Variants in CSNK1G1 observed in about 807,000 individuals in gnomAD.
CSNK1G1 encodes the protein casein kinase 1 gamma 1, also known as casein kinase I isoform gamma-1.
CSNK1G1 carries 22 observed loss-of-function variants against 59.6 expected under a neutral mutation model. That is an observed-to-expected ratio of 0.37 (90% CI 0.26 to 0.53). The LOEUF (loss-of-function observed/expected upper bound fraction) is 0.53. CSNK1G1 is among the 20% of genes least tolerant of loss of function. The probability of loss-of-function intolerance (pLI) is 0.89; values close to 1 mark genes in which losing one functional copy is unlikely to be tolerated. For synonymous variants in CSNK1G1, 179 were observed against 177.1 expected, an observed-to-expected ratio of 1.01 and a Z score of -0.08; for missense variants, 384 against 519.5, an observed-to-expected ratio of 0.74 and a Z score of 2.54.
intron 1 of CSNK1G1, among the ~76,000 whole-genome samples, chr15:64,324,232 G>A (rs929653654): frequency 9.9e-5 from 15 of 152,172 alleles, no homozygotes; most frequent in Non-Finnish European, 2.1e-4. Flanking sequence ...GGTTAATACT[G>A]AGTGTCAACT....
chr15:64,316,193 T>C (rs1052498693), intron 1 of CSNK1G1, among the ~76,000 whole-genome samples: 1 of 132,322 alleles, frequency 7.6e-6, no homozygotes, highest in Non-Finnish European at 1.6e-5. Flanking sequence ...GCACTCAGTT[T>C]TGCTTTTTAA....
chr15:64,264,262 G>C (rs1177415415), intron 2 of CSNK1G1, among the ~76,000 whole-genome samples: 1 of 152,098 alleles, frequency 6.6e-6, no homozygotes, highest in Non-Finnish European at 1.5e-5. Context: ...GAGAACAAAT[G>C]TTTAAAAATC....
chr15:64,213,240 A>C (rs951292691), intron 6 of CSNK1G1, among the ~76,000 whole-genome samples: 2 of 152,098 alleles, frequency 1.3e-5, no homozygotes, highest in African/African-American at 4.8e-5. Flanking sequence ...GCTTTTTTGA[A>C]GTGGATAAGC....
intron 10 of CSNK1G1, among the ~76,000 whole-genome samples, chr15:64,201,298 A>G (rs1270667269): frequency 6.6e-6 from 1 of 151,732 alleles, no homozygotes; most frequent in Non-Finnish European, 1.5e-5. Context: ...AAAGAAAGAA[A>G]AAGAAAAGAA....
intron 4 of CSNK1G1, 66 bp downstream of exon 4, chr15:64,251,446 T>G: frequency 1.7e-6 from 2 of 1,176,282 alleles, no homozygotes; most frequent in Admixed American, 2.2e-5. Context: ...ACAAAAAAAT[T>G]TGTATATTTT....
chr15:64,277,830 A>AT (rs1442838096), intron 2 of CSNK1G1, among the ~76,000 whole-genome samples: 4,672 of 132,856 alleles, frequency 0.035, 172 homozygotes, highest in South Asian at 0.063. Flanking sequence ...ATATTTAATA[A>AT]TAATATTGAT....
chr15:64,267,677 G>A (rs1451486097), intron 2 of CSNK1G1, among the ~76,000 whole-genome samples: 1 of 152,172 alleles, frequency 6.6e-6, no homozygotes. Context: ...TGTGAAGAGA[G>A]GGAAATTTTT....
At chr15:64,285,606 T>C (rs1477146811) in intron 2 of CSNK1G1, among the ~76,000 whole-genome samples, 1 of 152,132 alleles carries the variant, frequency 6.6e-6, no homozygotes, top group African/African-American at 2.4e-5. Flanking sequence ...AGTTTCACAG[T>C]ACAAACAAAC....
intron 4 of CSNK1G1, among the ~76,000 whole-genome samples, chr15:64,245,355 AATAAGGGAT>A (rs1891696474): frequency 6.6e-6 from 1 of 152,232 alleles, no homozygotes; most frequent in Non-Finnish European, 1.5e-5. Flanking sequence ...CCATGTATCT[AATAAGGGAT>A]TAATTAATAG....
chr15:64,300,326 G>T lies in CSNK1G1; in HGVS notation c.174C>A (p.Leu58=). The T allele has an allele frequency of 6.2e-7, 1 of 1,614,044 alleles. No homozygotes were observed. Among genetic ancestry groups the T allele is most frequent in the South Asian group, 1.1e-5 (1 of 91,066 alleles). ...ACATAACCAAGTGCTTACCTAATCT[G>T]AGCTCTCCGAAGTTCCCACATCCTA... ...KKIGCGNFGE[L]RLGKNLYTNE... The change falls in exon 2 of 12, where the codon CTC becomes CTA. Residue 58 remains leucine, a synonymous_variant. Transcript: ENST00000303052.
chr15:64,306,363 G>A (rs1013037526), intron 1 of CSNK1G1, among the ~76,000 whole-genome samples: 2 of 152,068 alleles, frequency 1.3e-5, no homozygotes, highest in South Asian at 2.1e-4. Context: ...GAAGATATAC[G>A]GATGGCAAAT....
intron 4 of CSNK1G1, among the ~76,000 whole-genome samples, chr15:64,241,130 A>C (rs546482963): frequency 4.2e-4 from 64 of 152,268 alleles, no homozygotes; most frequent in African/African-American, 1.5e-3. Flanking sequence ...CAAGAAACTC[A>C]CTTCACCTAT....
intron 3 of CSNK1G1, among the ~76,000 whole-genome samples, chr15:64,253,630 T>C (rs910039102): frequency 6.6e-6 from 1 of 152,236 alleles, no homozygotes; most frequent in African/African-American, 2.4e-5. Context: ...GTTTATAGCA[T>C]TATTATGCAC....
intron 2 of CSNK1G1, among the ~76,000 whole-genome samples, chr15:64,287,875 C>A (rs1894514034): frequency 6.6e-6 from 1 of 152,052 alleles, no homozygotes; most frequent in Non-Finnish European, 1.5e-5. Flanking sequence ...ACATTTAGCT[C>A]TATTTATTTC....
In CSNK1G1 at chr15:64,166,261, ATAAAT is replaced by A; in HGVS notation, c.*5665_*5669del. The A allele has an allele frequency of 2.6e-6, 1 of 386,094 alleles. No individual in the cohort carries two copies. Among genetic ancestry groups the A allele is most frequent in the Non-Finnish European group, 4.6e-6 (1 of 218,598 alleles). The allele number at this position is 386,094 out of a possible 1,614,324, so 23.9% of individuals were successfully genotyped here. A position where few individuals can be genotyped will look rare whatever the true frequency, so the allele number is the denominator to read the frequency against. On this transcript the variant is annotated 3_prime_UTR_variant, in exon 12 of 12. Coordinates refer to ENST00000303052, the MANE Select transcript of CSNK1G1 (RefSeq NM_022048.5). The surrounding 1 kb of genome is among the most constrained non-coding windows in gnomAD (Gnocchi z 4.5). The stretch of plus-strand genomic sequence containing the variant: ...TCAAAGACAGATAAATAATAATATA[ATAAAT>A]TAGAGCATGTAATACATCCTATGGG...
At position 64,168,340 on chromosome 15, in the gene CSNK1G1, A is replaced by G. The variant is rs954711263; in HGVS notation, c.*3591T>C. Reference sequence around the variant, plus strand: ...GGATACTCTATCCACCCTTGGGGGCAGTCTGGAGTGAGATCTCTGGAAAGC... The same window carrying G: ...GGATACTCTATCCACCCTTGGGGGCGGTCTGGAGTGAGATCTCTGGAAAGC... On this transcript the variant is annotated 3_prime_UTR_variant, in exon 12 of 12. Coordinates refer to ENST00000303052, the MANE Select transcript of CSNK1G1 (RefSeq NM_022048.5). The G allele has an allele frequency of 7.9e-5, 12 of 152,614 alleles. No individual in the cohort carries two copies. Among genetic ancestry groups the G allele is most frequent in the African/African-American group, 2.9e-4 (12 of 41,456 alleles). 9.5% of individuals were successfully genotyped at this position (152,614 alleles called of 1,614,324 possible). A position where few individuals can be genotyped will look rare whatever the true frequency, so the allele number is the denominator to read the frequency against.
intron 1 of CSNK1G1, among the ~76,000 whole-genome samples, chr15:64,352,559 C>T (rs1898371882): frequency 7.1e-6 from 1 of 140,070 alleles, no homozygotes; most frequent in Non-Finnish European, 1.5e-5. Context: ...GATTCTCTTG[C>T]CTCAGCCTCC....
chr15:64,341,448 A>G (rs979856601), intron 1 of CSNK1G1, among the ~76,000 whole-genome samples: 7 of 152,142 alleles, frequency 4.6e-5, no homozygotes, highest in Admixed American at 3.9e-4. Context: ...TGAAATATTT[A>G]TTAAACTGTC....
chr15:64,308,012 A>G (rs915145720), intron 1 of CSNK1G1, among the ~76,000 whole-genome samples: 4 of 152,106 alleles, frequency 2.6e-5, no homozygotes, highest in Non-Finnish European at 4.4e-5. Context: ...TTATGTGGTC[A>G]GGGAAAAAAA....
Sources: gnomAD v4.1 joint callset for allele counts (sites outside exome capture counted in the v4.1 genomes callset) on GRCh38, gnomAD v4.1.1 for gene constraint, Gnocchi (gnomAD v3.1) non-coding constraint, MANE v1.5 for transcripts, NCBI Gene and HGNC (gene_info 2026-07-23, HGNC 2026-07-21) for gene names.